Variants in PCDHA4 observed in about 807,000 individuals in gnomAD.
The protein encoded by PCDHA4 is protocadherin alpha-4.
PCDHA4 carries 49 observed loss-of-function variants against 61.4 expected under a neutral mutation model. The observed-to-expected ratio is 0.80, with a 90% CI of 0.63 to 1.01. PCDHA4 has a LOEUF of 1.01. Among genes scored for constraint, PCDHA4 ranks in the 50% least tolerant of loss-of-function variants. The pLI is 0.00. For synonymous variants in PCDHA4, 590 were observed against 550.3 expected, an observed-to-expected ratio of 1.07 and a Z score of -1.01; for missense variants, 1,254 against 1,235.8, an observed-to-expected ratio of 1.01 and a Z score of -0.22.
At chr5:140,868,420 A>C (rs1554161960) in intron 1 of PCDHA4, 1 of 152,238 alleles carries the variant, frequency 6.6e-6, no homozygotes, top group Non-Finnish European at 1.5e-5. Flanking sequence ...AAGCCCACAG[A>C]GATGAGAATA....
At chr5:140,842,204 A>T (rs2150331715) in intron 1 of PCDHA4, 1 of 1,613,676 alleles carries the variant, frequency 6.2e-7, no homozygotes, top group Non-Finnish European at 8.5e-7. Context: ...CCACTTTAGC[A>T]TAGATCGAAA....
At position 140,807,574 on chromosome 5, in the gene PCDHA4, C is replaced by T. The variant is rs371480931; in HGVS notation, c.387C>T (p.Asn129=). The change falls in exon 1 of 4, where the codon AAC becomes AAT. Residue 129 remains asparagine (N), a synonymous_variant. Coordinates refer to ENST00000530339, the MANE Select transcript of PCDHA4 (RefSeq NM_018907.4). The part of the protein sequence containing the change: ...VDVEVRDIND[N]PPVFPATQKN... ...TGGAGGTGAGGGACATTAACGATAA[C>T]CCGCCGGTGTTCCCAGCAACACAAA... is the stretch of plus-strand genomic sequence containing the variant. The T allele has an allele frequency of 3.2e-5, 51 of 1,614,058 alleles. 1 individual carries two copies. In the Middle Eastern group the frequency reaches 9.9e-4, roughly 31 times the overall value.
intron 1 of PCDHA4, chr5:140,829,932 C>T (rs2150178054): frequency 4.3e-6 from 7 of 1,613,980 alleles, no homozygotes; most frequent in East Asian, 4.5e-5. Context: ...CTGCAGCCCC[C>T]GGCAAGCAGC....
rs116001450 is a variant in PCDHA4 at position 140,876,617 on chromosome 5, A to G, written c.2385+67045A>G. 182 of 1,614,178 alleles carry G rather than the reference A, an allele frequency of 1.1e-4. No individual in the cohort carries two copies. The African/African-American group carries it at 2.3e-3, about 20-fold the overall frequency. ...GTGTCGGATCGTGACTCTGGAGCCAATGGACAGGTCATCTGCTCACTGACA... is the reference window on the plus strand; with the variant it reads ...GTGTCGGATCGTGACTCTGGAGCCAGTGGACAGGTCATCTGCTCACTGACA... On this transcript the variant is annotated intron_variant, in intron 1 of 3. Transcript: ENST00000530339.
chr5:140,956,540 G>C (rs1356910892), intron 1 of PCDHA4, among the ~76,000 whole-genome samples: 1 of 152,186 alleles, frequency 6.6e-6, no homozygotes, highest in Non-Finnish European at 1.5e-5. Context: ...TGTGCTGCTG[G>C]ATTTGGTTTG....
intron 1 of PCDHA4, chr5:140,882,203 T>C: frequency 6.5e-7 from 1 of 1,530,090 alleles, no homozygotes; most frequent in East Asian, 2.3e-5. Context: ...AATTGGGCCT[T>C]GAGAGACAGT....
At chr5:140,943,257 CAA>C (rs1238620023) in intron 1 of PCDHA4, among the ~76,000 whole-genome samples, 5 of 77,564 alleles carry the variant, frequency 6.4e-5, no homozygotes, top group Non-Finnish European at 2.5e-5. Flanking sequence ...GACTCTGTCT[CAA>C]AAAAAAAAAA....
chr5:140,907,365 G>A (rs782137145), intron 1 of PCDHA4, among the ~76,000 whole-genome samples: 20 of 152,178 alleles, frequency 1.3e-4, no homozygotes, highest in African/African-American at 2.4e-4. Flanking sequence ...TTCTTTAGTC[G>A]TAAAGTGAGT....
At chr5:140,843,404 G>C (rs2150359308) in intron 1 of PCDHA4, 2 of 1,596,130 alleles carry the variant, frequency 1.3e-6, no homozygotes, top group Admixed American at 3.4e-5. Context: ...GGCGCTGGTG[G>C]ATGTCAACGT....
At chr5:140,828,819 A>G (rs140245330) in intron 1 of PCDHA4, 13 of 1,614,106 alleles carry the variant, frequency 8.1e-6, no homozygotes, top group Non-Finnish European at 1.1e-5. Context: ...CCCACTTTCG[A>G]ACAGTCTGAA....
At chr5:140,879,805 A>T (rs992856039) in intron 1 of PCDHA4, among the ~76,000 whole-genome samples, 2 of 152,128 alleles carry the variant, frequency 1.3e-5, no homozygotes, top group Non-Finnish European at 1.5e-5. Context: ...TCCAGTTTCT[A>T]TTGGCTGTTG....
intron 1 of PCDHA4, chr5:140,830,245 C>T (rs2150183338): frequency 2.0e-5 from 32 of 1,613,950 alleles, no homozygotes; most frequent in Admixed American, 3.3e-5. Flanking sequence ...TACTGCTGTA[C>T]ACAGCGCTGC....
chr5:140,814,427 C>T (rs1281564166), intron 1 of PCDHA4: 2 of 150,562 alleles, frequency 1.3e-5, no homozygotes, highest in Admixed American at 1.3e-4. Flanking sequence ...TTTCCTGAGG[C>T]TGTTTTGTGG....
intron 1 of PCDHA4, among the ~76,000 whole-genome samples, chr5:140,933,053 G>C (rs2088831256): frequency 6.6e-6 from 1 of 151,948 alleles, no homozygotes; most frequent in Non-Finnish European, 1.5e-5. Flanking sequence ...TTACAGTCCA[G>C]GATCCTGACT....
chr5:140,976,770 C>T (rs2096730456), intron 1 of PCDHA4, among the ~76,000 whole-genome samples: 1 of 152,162 alleles, frequency 6.6e-6, no homozygotes, highest in Non-Finnish European at 1.5e-5. Flanking sequence ...GCCTGCTAGA[C>T]TCTGACTATA....
Position 140,807,245 on chromosome 5 carries a change from C to G in PCDHA4, c.58C>G (p.Leu20Val). The G allele has an allele frequency of 4.3e-6, 7 of 1,614,044 alleles. No individual in the cohort carries two copies. Among genetic ancestry groups the G allele is most frequent in the Non-Finnish European group, 5.9e-6 (7 of 1,179,892 alleles). Residue 20 changes from leucine to valine, a missense_variant, in exon 1 of 4, where the codon CTC becomes GTC. Transcript: ENST00000530339. ...CCGGCGTCTGCTGCTCTTACTTCTTCTCCTCGCAGCCTGGGAGGCAGGGAA... is the reference window on the plus strand; with the variant it reads ...CCGGCGTCTGCTGCTCTTACTTCTTGTCCTCGCAGCCTGGGAGGCAGGGAA... ...ESRRLLLLLL[L>V]LAAWEAGNGQ...
In PCDHA4 at chr5:140,964,167, C is replaced by T. The variant is rs370784169; in HGVS notation, c.2386-14782C>T. Reference sequence around the variant, plus strand: ...AGCCTCAGTATAATGGTGTGAGGAACGAAATCATTATAGTGCCAAATAGAG... The same window carrying T: ...AGCCTCAGTATAATGGTGTGAGGAATGAAATCATTATAGTGCCAAATAGAG... On this transcript the variant is annotated intron_variant, in intron 1 of 3. Coordinates refer to ENST00000530339, the MANE Select transcript of PCDHA4 (RefSeq NM_018907.4). Among the ~76,000 whole-genome samples, 16 of 152,250 alleles carry T rather than the reference C, an allele frequency of 1.1e-4. 1 individual carries two copies. The highest frequency in any genetic ancestry group is 3.4e-4 in the African/African-American group (14 of 41,544).
rs1386589487 is a variant in PCDHA4 at position 140,876,579 on chromosome 5, T to C, written c.2385+67007T>C. ...AGGATGCTCAGGTGGGTACCGTCAT[T>C]GCCCTGATTAGCGTGTCGGATCGTG... On this transcript the variant is annotated intron_variant, in intron 1 of 3. Coordinates refer to ENST00000530339, the MANE Select transcript of PCDHA4 (RefSeq NM_018907.4). 5 of 1,614,104 alleles carry C rather than the reference T, an allele frequency of 3.1e-6. No homozygotes were observed. In the African/African-American group the frequency reaches 5.3e-5, roughly 17 times the overall value.
intron 1 of PCDHA4, among the ~76,000 whole-genome samples, chr5:140,958,935 G>A (rs1439446773): frequency 9.3e-6 from 1 of 107,572 alleles, no homozygotes; most frequent in African/African-American, 4.3e-5. Flanking sequence ...GCTCATACTT[G>A]TAATAATATT....
Sources: gnomAD v4.1 joint callset for allele counts (sites outside exome capture counted in the v4.1 genomes callset) on GRCh38, gnomAD v4.1.1 for gene constraint, MANE v1.5 for transcripts, NCBI Gene and HGNC (gene_info 2026-07-23, HGNC 2026-07-21) for gene names.